The following CNGB3 variants were observed in gnomAD, a reference collection of about 807,000 sequenced individuals.
The protein encoded by CNGB3 is cyclic nucleotide gated channel subunit beta 3.
A neutral mutation model predicts 92.8 loss-of-function variants in CNGB3; 86 were observed. The observed-to-expected ratio is 0.93, with a 90% CI of 0.78 to 1.11. The LOEUF is 1.11. Among genes scored for constraint, CNGB3 ranks in the 50% least tolerant of loss-of-function variants. The pLI is 0.00. For synonymous variants in CNGB3, 333 were observed against 332.7 expected (o/e 1.00, Z -0.01); for missense variants, 1,026 against 956.8 (o/e 1.07, Z -0.95).
intron 12 of CNGB3, among the ~76,000 whole-genome samples, chr8:86,627,923 A>G (rs1365150117): frequency 6.6e-6 from 1 of 152,180 alleles, no homozygotes; most frequent in African/African-American, 2.4e-5. Context: ...CCTTCTCCTC[A>G]GCCTACTCGA....
chr8:86,689,175 A>G (rs1174035037), intron 3 of CNGB3, among the ~76,000 whole-genome samples: 1 of 151,356 alleles, frequency 6.6e-6, no homozygotes. Flanking sequence ...TCAATTTTTA[A>G]GGACTTGTTT....
At chr8:86,664,491 G>T (rs1823703722) in intron 6 of CNGB3, among the ~76,000 whole-genome samples, 1 of 152,200 alleles carries the variant, frequency 6.6e-6, no homozygotes, top group Non-Finnish European at 1.5e-5. Flanking sequence ...ATTGGCCACA[G>T]TTGGAAAGGT....
intron 13 of CNGB3, among the ~76,000 whole-genome samples, chr8:86,620,352 G>A (rs1822700321): frequency 6.6e-6 from 1 of 152,162 alleles, no homozygotes; most frequent in South Asian, 2.1e-4. Flanking sequence ...GCATCAGCAG[G>A]TCTGGTTTCT....
At chr8:86,719,461 A>G (rs897680884) in intron 3 of CNGB3, among the ~76,000 whole-genome samples, 1 of 152,180 alleles carries the variant, frequency 6.6e-6, no homozygotes, top group Non-Finnish European at 1.5e-5. Context: ...GAATATACCT[A>G]ATGAGGAGGT....
At chr8:86,637,534 G>T (rs1468857204) in intron 10 of CNGB3, among the ~76,000 whole-genome samples, 1 of 152,018 alleles carries the variant, frequency 6.6e-6, no homozygotes, top group African/African-American at 2.4e-5. Flanking sequence ...TGAATTTATA[G>T]ATCATTGTGA....
chr8:86,667,045 A>C lies in CNGB3; in HGVS notation c.732T>G (p.Tyr244Ter). 1 of 1,614,066 alleles carries C rather than the reference A, an allele frequency of 6.2e-7. No individual in the cohort carries two copies. Among genetic ancestry groups the C allele is most frequent in the Non-Finnish European group, 8.5e-7 (1 of 1,179,978 alleles). ...CFIPLRLVFPYQTADNIHYWL... is the reference protein window; with the variant it reads ...CFIPLRLVFP ...AGTAGTGTATGTTGTCTGCGGTTTG[A>C]TATGGGAAGACGAGGCGCAGTGGTA... The change falls in exon 6 of 18, where the codon TAT becomes TAG. Residue 244 changes from tyrosine (Y) to a stop codon, truncating the protein, a stop_gained. Transcript: ENST00000320005. LOFTEE classifies it high-confidence loss of function.
At position 86,629,080 on chromosome 8, in the gene CNGB3, T is replaced by G; in HGVS notation, c.1321-2A>C. The G allele has an allele frequency of 6.2e-7, 1 of 1,614,002 alleles. No individual in the cohort carries two copies. Among genetic ancestry groups the G allele is most frequent in the East Asian group, 2.2e-5 (1 of 44,868 alleles). On this transcript the variant is annotated splice_acceptor_variant, in intron 11 of 17. Coordinates refer to ENST00000320005, the MANE Select transcript of CNGB3 (RefSeq NM_019098.5). LOFTEE classifies it high-confidence loss of function. ...AGCTGCTCCAATCACATCTCTCATCTAAAACCACAAATATGGTCACTCCAC... is the reference window on the plus strand; with the variant it reads ...AGCTGCTCCAATCACATCTCTCATCGAAAACCACAAATATGGTCACTCCAC...
At chr8:86,696,311 C>G (rs1408884127) in intron 3 of CNGB3, among the ~76,000 whole-genome samples, 1 of 152,118 alleles carries the variant, frequency 6.6e-6, no homozygotes, top group African/African-American at 2.4e-5. Context: ...GAGAGTACAG[C>G]TGCAGTAGTA....
chr8:86,604,380 G>A (rs1398152789), intron 14 of CNGB3, among the ~76,000 whole-genome samples, 169 bp from the exon 15 acceptor site: 3 of 152,172 alleles, frequency 2.0e-5, no homozygotes, highest in African/African-American at 7.2e-5. Context: ...GACATGGGTT[G>A]AACATATCAT....
chr8:86,732,037 T>C (rs1302368160), intron 2 of CNGB3, among the ~76,000 whole-genome samples: 1 of 152,126 alleles, frequency 6.6e-6, no homozygotes, highest in Non-Finnish European at 1.5e-5. Flanking sequence ...ATTATGTAAA[T>C]ATATTTAAAT....
intron 12 of CNGB3, among the ~76,000 whole-genome samples, chr8:86,627,947 G>C (rs1457773030): frequency 1.3e-5 from 2 of 152,200 alleles, no homozygotes; most frequent in African/African-American, 4.8e-5. Context: ...TGAAGATGAG[G>C]AGGATGAAGA....
intron 10 of CNGB3, among the ~76,000 whole-genome samples, chr8:86,641,075 G>A (rs971477730): frequency 2.6e-5 from 4 of 151,976 alleles, no homozygotes; most frequent in Non-Finnish European, 4.4e-5. Context: ...CCAAGATGGC[G>A]ATGAAAGTGA....
chr8:86,691,051 T>C (rs892432064), intron 3 of CNGB3, among the ~76,000 whole-genome samples: 1 of 152,234 alleles, frequency 6.6e-6, no homozygotes, highest in African/African-American at 2.4e-5. Flanking sequence ...GGCTCTTTTT[T>C]GGTTCCATAT....
chr8:86,635,568 C>G (rs1045770630), intron 10 of CNGB3, among the ~76,000 whole-genome samples: 18 of 151,596 alleles, frequency 1.2e-4, no homozygotes, highest in African/African-American at 4.1e-4. Context: ...TGCCCTGATG[C>G]TTTGAGATTT....
At position 86,576,051 on chromosome 8, in the gene CNGB3, TTTTG is replaced by T. The variant is rs1821654702; in HGVS notation, c.2179_2182del (p.Gln727LysfsTer101). On this transcript the variant is annotated frameshift_variant, in exon 18 of 18. Coordinates refer to ENST00000320005, the MANE Select transcript of CNGB3 (RefSeq NM_019098.5). LOFTEE classifies it low-confidence loss of function (END_TRUNC). The stretch of plus-strand genomic sequence containing the variant: ...TTCTTTTCCTTTATCTTCATTTTCT[TTTTG>T]TTTATCTTCATTTTCTTTTTGTTTA... 1.2e-6 allele frequency: 2 copies of T among 1,603,468 alleles called. No homozygotes were observed. Among genetic ancestry groups the T allele is most frequent in the African/African-American group, 1.4e-5 (1 of 73,204 alleles).
intron 3 of CNGB3, among the ~76,000 whole-genome samples, chr8:86,689,160 T>A (rs1824248755): frequency 6.6e-6 from 1 of 152,038 alleles, no homozygotes; most frequent in South Asian, 2.1e-4. Context: ...TTCATGTTTT[T>A]TTTTTCAATT....
In CNGB3 at chr8:86,654,080, T is replaced by G. The variant is rs772175350; in HGVS notation, c.853-18A>C. On this transcript the variant is annotated intron_variant, in intron 6 of 17. Coordinates refer to ENST00000320005, the MANE Select transcript of CNGB3 (RefSeq NM_019098.5). The stretch of plus-strand genomic sequence containing the variant: ...GAATCCACCTGAAAGATATTTGTAT[T>G]TTCATTAATTTTAGCCAATTTCATC... 30 of 1,511,168 alleles carry G rather than the reference T, an allele frequency of 2.0e-5. 1 individual carries two copies. The South Asian group carries it at 3.4e-4, about 17-fold the overall frequency. The allele number at this position is 1,511,168 out of a possible 1,614,324, so 93.6% of individuals were successfully genotyped here.
Position 86,654,070 on chromosome 8 carries a change from A to G in CNGB3, c.853-8T>C, listed in dbSNP as rs1311324781. 1.1e-5 allele frequency: 17 copies of G among 1,565,372 alleles called. No individual in the cohort carries two copies. Among genetic ancestry groups the G allele is most frequent in the Non-Finnish European group, 1.5e-5 (17 of 1,136,122 alleles). On this transcript the variant is annotated splice_region_variant and splice_polypyrimidine_tract_variant and intron_variant, in intron 6 of 17. Coordinates refer to ENST00000320005, the MANE Select transcript of CNGB3 (RefSeq NM_019098.5). The stretch of plus-strand genomic sequence containing the variant: ...TAGCTCATTTGAATCCACCTGAAAG[A>G]TATTTGTATTTTCATTAATTTTAGC...
chr8:86,646,702 T>C (rs1183108538), intron 8 of CNGB3, among the ~76,000 whole-genome samples: 3 of 151,194 alleles, frequency 2.0e-5, no homozygotes, highest in Non-Finnish European at 3.0e-5. Context: ...GATAATTACC[T>C]ACAATTTATA....
Sources: gnomAD v4.1 joint callset for allele counts (sites outside exome capture counted in the v4.1 genomes callset) on GRCh38, gnomAD v4.1.1 for gene constraint, MANE v1.5 for transcripts, NCBI Gene and HGNC (gene_info 2026-07-23, HGNC 2026-07-21) for gene names.